Variants in NRXN1 observed in about 807,000 individuals in gnomAD.
NRXN1 encodes the protein neurexin-1.
NRXN1 carries 39 observed loss-of-function variants against 150.9 expected under a neutral mutation model. That is an observed-to-expected ratio of 0.26 (90% CI 0.20 to 0.34). The LOEUF (loss-of-function observed/expected upper bound fraction) is 0.34. Among genes scored for constraint, NRXN1 ranks in the 10% least tolerant of loss-of-function variants. The pLI is 1.00. For missense variants in NRXN1, 1,815 were observed against 1,949.9 expected (o/e 0.93, Z 1.30); for synonymous variants, 924 against 757.0 (o/e 1.22, Z -3.62).
chr2:49,975,424 A>G (rs897732850), intron 21 of NRXN1, among the ~76,000 whole-genome samples: 2 of 152,164 alleles, frequency 1.3e-5, no homozygotes, highest in African/African-American at 2.4e-5. Context: ...GGTGTGCCTC[A>G]TAAGTAAAGC....
At chr2:50,934,984 A>G (rs998213451) in intron 2 of NRXN1, among the ~76,000 whole-genome samples, 4 of 152,172 alleles carry the variant, frequency 2.6e-5, no homozygotes, top group Non-Finnish European at 5.9e-5. Context: ...TAAGTAAACT[A>G]AACTAGTAAT....
chr2:50,035,297 A>C (rs562921809), intron 21 of NRXN1, among the ~76,000 whole-genome samples: 13 of 152,198 alleles, frequency 8.5e-5, no homozygotes, highest in African/African-American at 3.1e-4. Flanking sequence ...CATGTTTTCT[A>C]ATTCTTACAA....
chr2:50,598,711 T>TATGTGTATATATAC (rs1553864379), intron 8 of NRXN1, among the ~76,000 whole-genome samples: 1 of 147,414 alleles, frequency 6.8e-6, no homozygotes, highest in Non-Finnish European at 1.5e-5. Flanking sequence ...TATATACATA[T>TATGTGTATATATAC]ATATGTATAT....
chr2:50,847,299 T>A (rs756915342), intron 5 of NRXN1, among the ~76,000 whole-genome samples: 1 of 152,150 alleles, frequency 6.6e-6, no homozygotes, highest in Non-Finnish European at 1.5e-5. Context: ...CAGAACCCCA[T>A]CACCTCACTT....
chr2:50,624,381 T>C (rs1432010358), intron 5 of NRXN1, among the ~76,000 whole-genome samples: 2 of 152,138 alleles, frequency 1.3e-5, no homozygotes, highest in Non-Finnish European at 2.9e-5. Flanking sequence ...GCATATTGGA[T>C]GGTTCCACTC....
At chr2:50,144,030 G>A (rs1283086776) in intron 18 of NRXN1, among the ~76,000 whole-genome samples, 1 of 151,798 alleles carries the variant, frequency 6.6e-6, no homozygotes, top group Non-Finnish European at 1.5e-5. Flanking sequence ...GAAAGCTACT[G>A]AAATAATCTT....
intron 18 of NRXN1, among the ~76,000 whole-genome samples, chr2:50,123,513 T>C (rs531678927): frequency 5.3e-5 from 8 of 152,198 alleles, no homozygotes; most frequent in East Asian, 1.9e-4. Context: ...CTGGGGAAGA[T>C]AGGTACTCAT....
intron 9 of NRXN1, among the ~76,000 whole-genome samples, chr2:50,547,771 T>C (rs892002922): frequency 8.5e-5 from 13 of 152,326 alleles, no homozygotes; most frequent in African/African-American, 2.9e-4. Flanking sequence ...GCTAGCTTAC[T>C]GCAGGATCTG....
intron 21 of NRXN1, among the ~76,000 whole-genome samples, chr2:50,005,877 T>C (rs1684681029): frequency 6.6e-6 from 1 of 152,168 alleles, no homozygotes; most frequent in African/African-American, 2.4e-5. Context: ...TACTGCCCTT[T>C]TAATGTTAGC....
At chr2:50,310,990 C>T (rs1429558359) in intron 17 of NRXN1, among the ~76,000 whole-genome samples, 1 of 152,032 alleles carries the variant, frequency 6.6e-6, no homozygotes, top group Non-Finnish European at 1.5e-5. Flanking sequence ...AACATAAATT[C>T]CATTTTTTCC....
At chr2:50,020,482 G>A (rs10192012) in intron 21 of NRXN1, among the ~76,000 whole-genome samples, 109,580 of 152,094 alleles carry the variant, frequency 0.72, 39,694 homozygotes, top group African/African-American at 0.78. Context: ...AATTTTGCCA[G>A]ACAGGCTTAT....
At chr2:50,602,930 G>C (rs1357096694) in intron 8 of NRXN1, among the ~76,000 whole-genome samples, 1 of 152,188 alleles carries the variant, frequency 6.6e-6, no homozygotes, top group Admixed American at 6.5e-5. Context: ...AGCTAGAACA[G>C]AAGACGCAGT....
At chr2:50,592,305 G>C (rs1039931233) in intron 8 of NRXN1, among the ~76,000 whole-genome samples, 1 of 152,208 alleles carries the variant, frequency 6.6e-6, no homozygotes. Flanking sequence ...AAGGGCCAGG[G>C]CAAATGACAC....
intron 8 of NRXN1, among the ~76,000 whole-genome samples, chr2:50,577,787 G>C (rs1001243894): frequency 6.6e-5 from 10 of 151,662 alleles, no homozygotes; most frequent in African/African-American, 2.2e-4. Flanking sequence ...TAAAGTCATA[G>C]CAATCCAGAA....
At chr2:50,014,560 T>G (rs7587669) in intron 21 of NRXN1, among the ~76,000 whole-genome samples, 1 of 151,880 alleles carries the variant, frequency 6.6e-6, no homozygotes, top group Non-Finnish European at 1.5e-5. Context: ...TCTCCAGACA[T>G]TGCCAAATAC....
chr2:51,000,651 G>C (rs1699913512), intron 2 of NRXN1, among the ~76,000 whole-genome samples: 1 of 151,908 alleles, frequency 6.6e-6, no homozygotes, highest in African/African-American at 2.4e-5. Flanking sequence ...GATTTAAAAA[G>C]TGAAGAAGTA....
chr2:50,567,282 C>T (rs1431593726), intron 8 of NRXN1, among the ~76,000 whole-genome samples: 2 of 152,116 alleles, frequency 1.3e-5, no homozygotes, highest in African/African-American at 2.4e-5. Flanking sequence ...CATCAGTTTT[C>T]AGGGGTCTAG....
rs2078123048 is a variant in NRXN1, at chr2:50,347,577, T to C, written c.3365-110607A>G. On this transcript the variant is annotated intron_variant, in intron 17 of 22. Transcript: ENST00000401669. The surrounding 1 kb of genome is among the most constrained non-coding windows in gnomAD (Gnocchi z 4.9). ...CGGAGCAGCGGCGCGCATCGCCTGC[T>C]CCCGAGGCAATCTCCGCGTCCGCCG... 2 of 1,013,764 alleles carry C rather than the reference T, an allele frequency of 2.0e-6. No individual in the cohort carries two copies. Among genetic ancestry groups the C allele is most frequent in the South Asian group, 7.4e-5 (2 of 27,130 alleles). 62.8% of individuals were successfully genotyped at this position (1,013,764 alleles called of 1,614,324 possible).
intron 21 of NRXN1, among the ~76,000 whole-genome samples, chr2:49,977,310 G>T (rs866082651): frequency 5.3e-5 from 8 of 152,096 alleles, no homozygotes; most frequent in Non-Finnish European, 7.4e-5. Flanking sequence ...ACAATGTTTG[G>T]TGACATTTCT....
Sources: gnomAD v4.1 joint callset for allele counts (sites outside exome capture counted in the v4.1 genomes callset) on GRCh38, gnomAD v4.1.1 for gene constraint, Gnocchi (gnomAD v3.1) non-coding constraint, MANE v1.5 for transcripts, NCBI Gene and HGNC (gene_info 2026-07-23, HGNC 2026-07-21) for gene names.